SLC13A3: variants seen among roughly 807,000 people sequenced by gnomAD.
SLC13A3 encodes solute carrier family 13 member 3, also known as Na(+)/dicarboxylate cotransporter 3.
Under a neutral mutation model 59.0 loss-of-function variants are expected in SLC13A3, and 40 were observed. That is an observed-to-expected ratio of 0.68 (90% CI 0.53 to 0.88). The LOEUF is 0.88. Among genes scored for constraint, SLC13A3 ranks in the 40% least tolerant of loss-of-function variants. The pLI, the probability that SLC13A3 is intolerant of heterozygous loss-of-function variation, is 0.00. For missense variants in SLC13A3, 699 were observed against 783.2 expected (o/e 0.89, Z 1.28); for synonymous variants, 317 against 330.3 (o/e 0.96, Z 0.44).
intron 9 of SLC13A3, among the ~76,000 whole-genome samples, chr20:46,579,133 C>A (rs1386823676): frequency 6.6e-6 from 1 of 151,552 alleles, no homozygotes; most frequent in African/African-American, 2.4e-5. Flanking sequence ...CTCTCTCCCC[C>A]TCGATTTTTC....
At chr20:46,622,333 T>C (rs1029298829) in intron 1 of SLC13A3, among the ~76,000 whole-genome samples, 1 of 152,042 alleles carries the variant, frequency 6.6e-6, no homozygotes, top group South Asian at 2.1e-4. Context: ...GGGATCAACA[T>C]GTGGTTCTCA....
chr20:46,659,055 A>G (rs575818599), intron 1 of SLC13A3, among the ~76,000 whole-genome samples: 31 of 152,240 alleles, frequency 2.0e-4, no homozygotes, highest in African/African-American at 6.7e-4. Context: ...TATATGTACA[A>G]TGTGTTTATT....
intron 1 of SLC13A3, among the ~76,000 whole-genome samples, chr20:46,631,160 G>C (rs769479045): frequency 2.6e-5 from 4 of 152,162 alleles, no homozygotes; most frequent in Non-Finnish European, 4.4e-5. Context: ...TCCCCCAGGG[G>C]ACACGTTTTA....
At chr20:46,661,548 C>A (rs1469024683) in intron 1 of SLC13A3, among the ~76,000 whole-genome samples, 1 of 152,198 alleles carries the variant, frequency 6.6e-6, no homozygotes, top group Non-Finnish European at 1.5e-5. Flanking sequence ...GTTGGGAGTT[C>A]TCTCTCTTGT....
intron 7 of SLC13A3, among the ~76,000 whole-genome samples, chr20:46,588,559 C>CAG (rs143500950): frequency 1.7e-4 from 25 of 151,260 alleles, no homozygotes; most frequent in South Asian, 1.5e-3. Context: ...AGCATTCATA[C>CAG]AGAGAGAGAG....
chr20:46,584,447 G>C (rs3088343), intron 8 of SLC13A3: 3 of 985,274 alleles, frequency 3.0e-6, no homozygotes, highest in Non-Finnish European at 3.6e-6. Flanking sequence ...AACTCAGATT[G>C]TTCTGGCTCC....
intron 3 of SLC13A3, among the ~76,000 whole-genome samples, chr20:46,600,406 GGAGGAAGGA>G (rs1568930144): frequency 2.4e-4 from 35 of 146,626 alleles, no homozygotes; most frequent in African/African-American, 5.3e-4. Context: ...AAGAAAGAAA[GGAGGAAGGA>G]AGGAAGGAAA....
chr20:46,640,680 T>G (rs1371130817), intron 1 of SLC13A3, among the ~76,000 whole-genome samples: 1 of 152,178 alleles, frequency 6.6e-6, no homozygotes, highest in East Asian at 1.9e-4. Context: ...GGAAGTGGTG[T>G]GACCTCATGT....
At chr20:46,667,661 G>A (rs2063069058) in intron 1 of SLC13A3, among the ~76,000 whole-genome samples, 1 of 152,126 alleles carries the variant, frequency 6.6e-6, no homozygotes, top group Non-Finnish European at 1.5e-5. Flanking sequence ...ATTCTGGCTG[G>A]GCCACTTGCT....
chr20:46,624,782 T>C (rs2062651758), intron 1 of SLC13A3, among the ~76,000 whole-genome samples: 1 of 152,190 alleles, frequency 6.6e-6, no homozygotes, highest in South Asian at 2.1e-4. Context: ...AAAGCCCAAG[T>C]ATTTCTAAAG....
chr20:46,638,272 G>C (rs564461478), intron 1 of SLC13A3, among the ~76,000 whole-genome samples: 39 of 152,302 alleles, frequency 2.6e-4, no homozygotes, highest in African/African-American at 8.7e-4. Flanking sequence ...AATTCTGAGC[G>C]GGGCCACAGG....
upstream of SLC13A3, among the ~76,000 whole-genome samples, chr20:46,671,897 C>A (rs150317089): frequency 3.9e-5 from 6 of 152,336 alleles, no homozygotes; most frequent in African/African-American, 1.4e-4. Flanking sequence ...CAGCAAGTCC[C>A]AGTTTGAAGG....
intron 9 of SLC13A3, among the ~76,000 whole-genome samples, chr20:46,576,572 G>C (rs912612946): frequency 6.6e-6 from 1 of 152,162 alleles, no homozygotes; most frequent in East Asian, 1.9e-4. Context: ...GCTGATAGTT[G>C]CATCCACAGG....
At chr20:46,591,433 A>C (rs1433120957) in intron 6 of SLC13A3, among the ~76,000 whole-genome samples, 2 of 152,212 alleles carry the variant, frequency 1.3e-5, no homozygotes, top group African/African-American at 4.8e-5. Context: ...TATCCAAATT[A>C]AGGTAGCCAT....
At chr20:46,607,710 T>C (rs2062449618) in intron 3 of SLC13A3, among the ~76,000 whole-genome samples, 1 of 152,208 alleles carries the variant, frequency 6.6e-6, no homozygotes, top group Admixed American at 6.5e-5. Context: ...ATCATTTGCT[T>C]GACCACTTTG....
chr20:46,588,624 G>A (rs1215379763), intron 7 of SLC13A3, among the ~76,000 whole-genome samples: 1 of 152,092 alleles, frequency 6.6e-6, no homozygotes, highest in Non-Finnish European at 1.5e-5. Context: ...CACAGAGAGG[G>A]GACAGACCTG....
rs974439795 is a variant in SLC13A3, at chr20:46,571,456, T to C, written c.1332+4117A>G. 1.2e-3 allele frequency among the ~76,000 whole-genome samples: 177 copies of C among 152,218 alleles called. 1 individual carries two copies. The highest frequency in any genetic ancestry group is 4.2e-3 in the African/African-American group (173 of 41,458). ...TAATAGTGAAGATGAGTGTGGCTCC[T>C]GGTTTGAGCACCCAGGGTATATCAC... On this transcript the variant is annotated intron_variant, in intron 10 of 12. Coordinates refer to ENST00000279027, the MANE Select transcript of SLC13A3 (RefSeq NM_022829.6).
chr20:46,654,139 C>A (rs2062969060), upstream of SLC13A3, among the ~76,000 whole-genome samples: 1 of 152,204 alleles, frequency 6.6e-6, no homozygotes, highest in Non-Finnish European at 1.5e-5. Flanking sequence ...TAATAGCCAT[C>A]CTAATAGGTG....
chr20:46,592,771 C>A (rs2062273172), intron 5 of SLC13A3, among the ~76,000 whole-genome samples: 1 of 152,164 alleles, frequency 6.6e-6, no homozygotes, highest in African/African-American at 2.4e-5. Context: ...TCTCTGCCCC[C>A]TGGAGGCCAG....
Sources: gnomAD v4.1 joint callset for allele counts (sites outside exome capture counted in the v4.1 genomes callset) on GRCh38, gnomAD v4.1.1 for gene constraint, MANE v1.5 for transcripts, NCBI Gene and HGNC (gene_info 2026-07-23, HGNC 2026-07-21) for gene names.